The following ARHGEF4 variants were observed in gnomAD, a reference collection of about 807,000 sequenced individuals.
The protein encoded by ARHGEF4 is APC-stimulated guanine nucleotide exchange factor 1.
ARHGEF4 carries 119 observed loss-of-function variants against 162.0 expected under a neutral mutation model. That is an observed-to-expected ratio of 0.73 (90% CI 0.63 to 0.86). The LOEUF (loss-of-function observed/expected upper bound fraction) is 0.86. Ranked by LOEUF, ARHGEF4 falls within the 40% of genes least tolerant of loss-of-function variation. The probability of loss-of-function intolerance (pLI) is 0.00; values close to 1 mark genes in which losing one functional copy is unlikely to be tolerated. For missense variants in ARHGEF4, 2,488 were observed against 2,456.0 expected, an observed-to-expected ratio of 1.01 and a Z score of -0.28; for synonymous variants, 1,014 against 979.9, an observed-to-expected ratio of 1.03 and a Z score of -0.65.
chr2:130,874,948 G>A (rs1678727836), intron 1 of ARHGEF4, among the ~76,000 whole-genome samples: 1 of 152,190 alleles, frequency 6.6e-6, no homozygotes, highest in African/African-American at 2.4e-5. Flanking sequence ...CATATGGCAT[G>A]TAATTGCCAT....
At chr2:130,872,970 G>A (rs1398123678) in intron 1 of ARHGEF4, among the ~76,000 whole-genome samples, 1 of 152,070 alleles carries the variant, frequency 6.6e-6, no homozygotes, top group Admixed American at 6.5e-5. Flanking sequence ...TGGGGTGTTC[G>A]CCTGTGGAGC....
chr2:131,038,849 G>A lies in ARHGEF4; in HGVS notation c.4126-4G>A. The A allele has an allele frequency of 1.9e-6, 3 of 1,601,068 alleles. No individual in the cohort carries two copies. Among genetic ancestry groups the A allele is most frequent in the Non-Finnish European group, 2.6e-6 (3 of 1,172,282 alleles). On this transcript the variant is annotated splice_polypyrimidine_tract_variant and splice_region_variant and intron_variant, in intron 5 of 13. Transcript: ENST00000409359. ...GACCCGCCTGCCCGTGGCTCTCTCGGCAGCTCATCAGCGATGGCAGTGTGG... is the reference window on the plus strand; with the variant it reads ...GACCCGCCTGCCCGTGGCTCTCTCGACAGCTCATCAGCGATGGCAGTGTGG...
intron 1 of ARHGEF4, among the ~76,000 whole-genome samples, chr2:130,866,713 T>C (rs1415642963): frequency 1.3e-5 from 2 of 152,210 alleles, no homozygotes; most frequent in East Asian, 1.9e-4. Flanking sequence ...CTTGCGTACC[T>C]GGGATAAATT....
In ARHGEF4 at chr2:130,841,686, T is replaced by C. The variant is rs536272190; in HGVS notation, c.39+4694T>C. On this transcript the variant is annotated intron_variant, in intron 1 of 13. Transcript: ENST00000409359. ...AGCTGTTGGTGTTCTCCTTCCTAAA[T>C]GTTTCTTGGTGCTTCCGGCTGGGGC... Among the ~76,000 whole-genome samples, 18 of 152,218 alleles carry C rather than the reference T, an allele frequency of 1.2e-4. No individual in the cohort carries two copies. The South Asian group carries it at 3.1e-3, about 26-fold the overall frequency.
intron 1 of ARHGEF4, among the ~76,000 whole-genome samples, chr2:130,872,404 G>C (rs1678545736): frequency 6.6e-6 from 1 of 152,082 alleles, no homozygotes; most frequent in Admixed American, 6.5e-5. Flanking sequence ...ACCCAGCCCT[G>C]GTGGCTCCTG....
intron 2 of ARHGEF4, among the ~76,000 whole-genome samples, chr2:130,922,629 G>A (rs1681945212): frequency 6.6e-6 from 1 of 152,180 alleles, no homozygotes; most frequent in Non-Finnish European, 1.5e-5. Flanking sequence ...TGACTCCTCA[G>A]AGTGAGTTAG....
At chr2:130,979,279 A>G (rs1685953991) in intron 4 of ARHGEF4, among the ~76,000 whole-genome samples, 1 of 152,224 alleles carries the variant, frequency 6.6e-6, no homozygotes, top group Admixed American at 6.5e-5. Flanking sequence ...CAACACATCT[A>G]TATAAATATA....
intron 5 of ARHGEF4, chr2:131,035,801 G>T: frequency 1.0e-6 from 1 of 985,392 alleles, no homozygotes; most frequent in Non-Finnish European, 1.2e-6. Context: ...TGCACAAACT[G>T]CGGGTGTTCA....
At chr2:130,989,306 G>A (rs114846476) in intron 4 of ARHGEF4, among the ~76,000 whole-genome samples, 96 of 152,276 alleles carry the variant, frequency 6.3e-4, no homozygotes, top group African/African-American at 2.2e-3. Context: ...TGGGTTTGGT[G>A]TATCAAAGTG....
chr2:130,877,108 G>C (rs980378458), intron 1 of ARHGEF4, among the ~76,000 whole-genome samples: 2 of 152,164 alleles, frequency 1.3e-5, no homozygotes, highest in African/African-American at 4.8e-5. Flanking sequence ...CCCGCTCTCC[G>C]TGCATGCCCT....
At chr2:130,894,825 C>G (rs1431040663) in intron 1 of ARHGEF4, among the ~76,000 whole-genome samples, 4 of 152,050 alleles carry the variant, frequency 2.6e-5, no homozygotes, top group African/African-American at 9.7e-5. Flanking sequence ...CTAGGCATGG[C>G]CAGGCTTATG....
At chr2:130,983,622 T>A (rs1262093965) in intron 4 of ARHGEF4, among the ~76,000 whole-genome samples, 3 of 152,062 alleles carry the variant, frequency 2.0e-5, no homozygotes, top group African/African-American at 7.2e-5. Flanking sequence ...GTATGAGTGC[T>A]CTTTTATTTA....
Position 130,915,799 on chromosome 2 carries a change from C to T in ARHGEF4, c.1853C>T (p.Pro618Leu). 6.6e-7 allele frequency: 1 copy of T among 1,525,090 alleles called. No homozygotes were observed. Among genetic ancestry groups the T allele is most frequent in the Non-Finnish European group, 8.8e-7 (1 of 1,134,894 alleles). 94.5% of individuals were successfully genotyped at this position (1,525,090 alleles called of 1,614,324 possible). A position where few individuals can be genotyped will look rare whatever the true frequency, so the allele number is the denominator to read the frequency against. ...PGGAGGRQLE[P>L]KAGGEASRGR... ...GGTGCCGGGGGCCGGCAGCTGGAGC[C>T]CAAAGCAGGCGGCGAGGCCTCGAGG... The change falls in exon 2 of 14, where the codon CCC (proline) becomes CTC (leucine). Residue 618 changes from proline (P) to leucine (L), a missense_variant. Physicochemically the swap from Pro to Leu is moderately conservative, Grantham distance 98 (BLOSUM62 -3). Around this residue, in one of 6 missense-constraint regions of ARHGEF4, gnomAD observed 1,642 missense variants for 1,481.5 expected, o/e 1.11. Coordinates refer to ENST00000409359, the MANE Select transcript of ARHGEF4 (RefSeq NM_001367493.1).
chr2:130,913,173 G>T (rs1681296225), intron 1 of ARHGEF4, among the ~76,000 whole-genome samples: 1 of 152,104 alleles, frequency 6.6e-6, no homozygotes, highest in African/African-American at 2.4e-5. Flanking sequence ...GACAAAGCAA[G>T]ACTGTGTGGC....
At chr2:131,028,171 C>T (rs1252417154) in intron 5 of ARHGEF4, 87 bp downstream of exon 5, 1 of 1,528,814 alleles carries the variant, frequency 6.5e-7, no homozygotes, top group Non-Finnish European at 8.9e-7. Context: ...CAGATGCCCA[C>T]AGTCCACGTT....
At chr2:130,881,571 C>A (rs1679190214) in intron 1 of ARHGEF4, among the ~76,000 whole-genome samples, 1 of 151,042 alleles carries the variant, frequency 6.6e-6, no homozygotes, top group African/African-American at 2.5e-5. Flanking sequence ...GGCTTCTGCC[C>A]TTGCTGGTGG....
At chr2:131,043,974 C>T (rs1691028573) in intron 11 of ARHGEF4, among the ~76,000 whole-genome samples, 1 of 152,192 alleles carries the variant, frequency 6.6e-6, no homozygotes, top group Admixed American at 6.5e-5. Context: ...GCCCAGTGGC[C>T]TCATGTCCAT....
intron 2 of ARHGEF4, among the ~76,000 whole-genome samples, chr2:130,925,235 C>A (rs2105085670): frequency 6.6e-6 from 1 of 152,162 alleles, no homozygotes; most frequent in East Asian, 1.9e-4. Flanking sequence ...GATATTAATT[C>A]ATGCTTATTA....
intron 1 of ARHGEF4, among the ~76,000 whole-genome samples, chr2:130,892,477 A>C (rs1679912820): frequency 6.6e-6 from 1 of 152,212 alleles, no homozygotes; most frequent in African/African-American, 2.4e-5. Flanking sequence ...CTGGTTATAA[A>C]TCAGGGTCCC....
Sources: allele counts gnomAD v4.1 joint callset (sites outside exome capture counted in the v4.1 genomes callset), GRCh38; gene constraint gnomAD v4.1.1; regional missense constraint gnomAD v4.1.1; transcripts MANE v1.5; gene names NCBI Gene and HGNC (gene_info 2026-07-23, HGNC 2026-07-21).